Variants in STK38L observed in about 807,000 individuals in gnomAD.
The protein encoded by STK38L is serine/threonine kinase 38 like.
Under a neutral mutation model 59.7 loss-of-function variants are expected in STK38L, and 28 were observed. The observed-to-expected ratio is 0.47, with a 90% CI of 0.35 to 0.64. The LOEUF (loss-of-function observed/expected upper bound fraction) is 0.64. Ranked by LOEUF, STK38L falls within the 30% of genes least tolerant of loss-of-function variation. The probability of loss-of-function intolerance (pLI) is 0.01; values close to 1 mark genes in which losing one functional copy is unlikely to be tolerated. For synonymous variants in STK38L, 162 were observed against 176.8 expected (o/e 0.92, Z 0.66); for missense variants, 314 against 555.8 (o/e 0.56, Z 4.37).
intron 1 of STK38L, among the ~76,000 whole-genome samples, chr12:27,251,675 T>C (rs1033173282): frequency 1.3e-5 from 2 of 152,256 alleles, no homozygotes; most frequent in African/African-American, 4.8e-5. Flanking sequence ...TCAAATGTTC[T>C]GACTTCATTT....
At position 27,314,519 on chromosome 12, in the gene STK38L, T is replaced by C. The variant is rs1944538005; in HGVS notation, c.533T>C (p.Leu178Ser). The change falls in exon 7 of 14, where the codon TTG becomes TCG. Residue 178 changes from leucine (L) to serine (S), a missense_variant. This residue lies in a region of STK38L where 192 missense variants were observed against 316.9 expected (regional missense o/e 0.61). Coordinates refer to ENST00000389032, the MANE Select transcript of STK38L (RefSeq NM_015000.4). ...CTTTATTTAGGTGACATGATGACAT[T>C]GCTAATGAAGAAAGACACCTTGACA... ...EFLPGGDMMT[L>S]LMKKDTLTEE... 1 of 1,571,890 alleles carries C rather than the reference T, an allele frequency of 6.4e-7. No individual in the cohort carries two copies. Among genetic ancestry groups the C allele is most frequent in the Non-Finnish European group, 8.6e-7 (1 of 1,159,210 alleles).
intron 1 of STK38L, among the ~76,000 whole-genome samples, chr12:27,269,681 C>G (rs1004794733): frequency 2.0e-5 from 3 of 152,116 alleles, no homozygotes; most frequent in African/African-American, 7.2e-5. Flanking sequence ...TTTGCTTTGT[C>G]ACCCAGGCTG....
In STK38L at chr12:27,325,818, A is replaced by G. The variant is rs899401393; in HGVS notation, c.*3363A>G. On this transcript the variant is annotated 3_prime_UTR_variant, in exon 14 of 14. Coordinates refer to ENST00000389032, the MANE Select transcript of STK38L (RefSeq NM_015000.4). Reference sequence around the variant, plus strand: ...ATATCTCAGCTATTTTTTTAAAGCAATATAATTCAGCAATTGTCTAGAAAA... The same window carrying G: ...ATATCTCAGCTATTTTTTTAAAGCAGTATAATTCAGCAATTGTCTAGAAAA... 3.3e-5 allele frequency: 5 copies of G among 152,184 alleles called. No homozygotes were observed. The highest frequency in any genetic ancestry group is 7.4e-5 in the Non-Finnish European group (5 of 68,020). The allele number at this position is 152,184 out of a possible 1,614,324, so 9.4% of individuals were successfully genotyped here.
chr12:27,247,119 A>G (rs929255491), intron 1 of STK38L, among the ~76,000 whole-genome samples: 1 of 152,264 alleles, frequency 6.6e-6, no homozygotes. Context: ...GATGATAAGT[A>G]AATACTTTAT....
chr12:27,314,783 T>A (rs1480600962), intron 7 of STK38L, 125 bp downstream of exon 7: 24 of 1,143,796 alleles, frequency 2.1e-5, no homozygotes, highest in Non-Finnish European at 2.9e-5. Flanking sequence ...TATGATAAGG[T>A]ACTAGGAGAG....
Position 27,253,813 on chromosome 12 carries a change from CG to C in STK38L, c.-12+9483del, listed in dbSNP as rs547815582. ...AAGCATATTAGGGGGCCACAGGAACCGGAATTGTTGCCGTGATGCTGGACAG... is the reference window on the plus strand; with the variant it reads ...AAGCATATTAGGGGGCCACAGGAACCGAATTGTTGCCGTGATGCTGGACAG... On this transcript the variant is annotated intron_variant, in intron 1 of 13. Transcript: ENST00000389032. Among the ~76,000 whole-genome samples, 35 of 152,262 alleles carry C rather than the reference CG, an allele frequency of 2.3e-4. No individual in the cohort carries two copies. The East Asian group carries it at 6.4e-3, about 28-fold the overall frequency.
chr12:27,312,631 A>ATAAGAGGAATCTTTATC lies in STK38L; in HGVS notation c.480_496dup (p.Ile166ArgfsTer6). ...GTGAAGATGTTTTACAGTTTTCAGG[A>ATAAGAGGAATCTTTATC]TAAGAGGAATCTTTATCTAATCATG... On this transcript the variant is annotated frameshift_variant, in exon 6 of 14. Coordinates refer to ENST00000389032, the MANE Select transcript of STK38L (RefSeq NM_015000.4). LOFTEE classifies it high-confidence loss of function. The ATAAGAGGAATCTTTATC allele has an allele frequency of 6.2e-7, 1 of 1,614,122 alleles. No individual in the cohort carries two copies. Among genetic ancestry groups the ATAAGAGGAATCTTTATC allele is most frequent in the Non-Finnish European group, 8.5e-7 (1 of 1,180,020 alleles).
intron 11 of STK38L, among the ~76,000 whole-genome samples, chr12:27,318,825 A>C (rs1194885143): frequency 2.6e-5 from 4 of 152,174 alleles, no homozygotes; most frequent in Non-Finnish European, 5.9e-5. Context: ...CCCCGTCTCT[A>C]CTAAAAATAC....
intron 12 of STK38L, among the ~76,000 whole-genome samples, chr12:27,320,882 C>T (rs1364862583): frequency 6.6e-6 from 1 of 151,308 alleles, no homozygotes; most frequent in Non-Finnish European, 1.5e-5. Flanking sequence ...CCCGGGTTCA[C>T]GCCATTCTCC....
chr12:27,296,760 T>C (rs1474150166), intron 1 of STK38L, among the ~76,000 whole-genome samples: 1 of 152,242 alleles, frequency 6.6e-6, no homozygotes, highest in African/African-American at 2.4e-5. Context: ...GTGGCTGTAG[T>C]AGGCAAGTCT....
chr12:27,262,705 TA>T (rs1353866402), intron 1 of STK38L, among the ~76,000 whole-genome samples: 1 of 47,868 alleles, frequency 2.1e-5, no homozygotes. Flanking sequence ...ACTCTATCTC[TA>T]ATTAAAAAAA....
chr12:27,304,433 G>T (rs975057557), intron 3 of STK38L, among the ~76,000 whole-genome samples: 1 of 151,968 alleles, frequency 6.6e-6, no homozygotes, highest in Non-Finnish European at 1.5e-5. Flanking sequence ...TATACTAAAG[G>T]TGGTAACTTT....
intron 1 of STK38L, among the ~76,000 whole-genome samples, chr12:27,259,412 T>C (rs777183890): frequency 5.9e-5 from 9 of 152,170 alleles, no homozygotes; most frequent in South Asian, 4.1e-4. Context: ...TCACGTGTCA[T>C]GGGCATCAGT....
At chr12:27,249,615 G>A (rs529140917) in intron 1 of STK38L, among the ~76,000 whole-genome samples, 1 of 152,342 alleles carries the variant, frequency 6.6e-6, no homozygotes, top group Non-Finnish European at 1.5e-5. Flanking sequence ...TGGGATTACA[G>A]GCGTGAGCCA....
chr12:27,284,454 A>G (rs182269896), intron 1 of STK38L, among the ~76,000 whole-genome samples: 11 of 152,296 alleles, frequency 7.2e-5, no homozygotes, highest in African/African-American at 2.6e-4. Flanking sequence ...CTTAATGGTG[A>G]CCACCTTCTG....
intron 1 of STK38L, among the ~76,000 whole-genome samples, chr12:27,250,975 G>T (rs1374937514): frequency 4.6e-4 from 67 of 145,928 alleles, no homozygotes; most frequent in Non-Finnish European, 6.0e-5. Flanking sequence ...GCCCAGCCTG[G>T]GTGACAGTGA....
chr12:27,300,532 A>G (rs1836503382), intron 2 of STK38L: 1 of 455,996 alleles, frequency 2.2e-6, no homozygotes, highest in Non-Finnish European at 4.4e-6. Context: ...TGGTCCTCTT[A>G]CTCTCTGGAT....
intron 1 of STK38L, among the ~76,000 whole-genome samples, chr12:27,264,983 CTG>C (rs1253050027): frequency 3.3e-5 from 5 of 152,138 alleles, no homozygotes; most frequent in African/African-American, 1.2e-4. Flanking sequence ...AAAGAGCTCT[CTG>C]TGAGTTCCAA....
intron 1 of STK38L, among the ~76,000 whole-genome samples, chr12:27,275,076 A>C (rs892483977): frequency 2.6e-5 from 4 of 152,172 alleles, no homozygotes; most frequent in African/African-American, 4.8e-5. Flanking sequence ...AATCTTTTAA[A>C]TGGCTTCCTT....
Sources: allele counts gnomAD v4.1 joint callset (sites outside exome capture counted in the v4.1 genomes callset), GRCh38; gene constraint gnomAD v4.1.1; regional missense constraint gnomAD v4.1.1; transcripts MANE v1.5; gene names NCBI Gene and HGNC (gene_info 2026-07-23, HGNC 2026-07-21).